The following OPCML variants were observed in gnomAD, a reference collection of about 807,000 sequenced individuals.
The protein encoded by OPCML is opioid binding protein/cell adhesion molecule like.
In OPCML, 13 loss-of-function variants were observed where a neutral mutation model predicts 37.8. That is an observed-to-expected ratio of 0.34 (90% CI 0.22 to 0.55). The LOEUF (loss-of-function observed/expected upper bound fraction) is 0.55. Among genes scored for constraint, OPCML ranks in the 20% least tolerant of loss-of-function variants. OPCML has a pLI of 0.91. For missense variants in OPCML, 341 were observed against 435.6 expected (o/e 0.78, Z 1.93); for synonymous variants, 176 against 168.8 (o/e 1.04, Z -0.33).
intron 3 of OPCML, among the ~76,000 whole-genome samples, chr11:132,604,063 C>T (rs900224915): frequency 6.6e-6 from 1 of 152,150 alleles, no homozygotes; most frequent in Non-Finnish European, 1.5e-5. Flanking sequence ...GCCTGGAATA[C>T]TTGTTGGTGC....
At chr11:133,029,530 G>A (rs1374043563) in intron 1 of OPCML, among the ~76,000 whole-genome samples, 2 of 152,072 alleles carry the variant, frequency 1.3e-5, no homozygotes, top group Non-Finnish European at 1.5e-5. Context: ...CATGAAATAC[G>A]ACACAGCCAT....
intron 4 of OPCML, among the ~76,000 whole-genome samples, chr11:132,465,756 C>T (rs905594947): frequency 6.6e-6 from 1 of 152,034 alleles, no homozygotes; most frequent in Admixed American, 6.5e-5. Flanking sequence ...AAAGTTATTC[C>T]CAAACTCACA....
At chr11:133,040,136 T>C (rs770778229) in intron 1 of OPCML, among the ~76,000 whole-genome samples, 19 of 152,124 alleles carry the variant, frequency 1.2e-4, no homozygotes, top group Middle Eastern at 3.4e-3. Context: ...TCACGTCAAC[T>C]ACTTAATCTT....
At chr11:132,433,495 T>C (rs369977019) in intron 7 of OPCML, among the ~76,000 whole-genome samples, 88 of 152,284 alleles carry the variant, frequency 5.8e-4, no homozygotes, top group African/African-American at 2.1e-3. Flanking sequence ...CAATAGCATA[T>C]ATGCGGGAAG....
At chr11:132,492,350 G>A (rs2096218723) in intron 4 of OPCML, among the ~76,000 whole-genome samples, 1 of 152,060 alleles carries the variant, frequency 6.6e-6, no homozygotes, top group Non-Finnish European at 1.5e-5. Flanking sequence ...GATGTGGTGG[G>A]GGTAGAGGTA....
At chr11:133,471,095 C>CAA (rs1190982369) in intron 1 of OPCML, among the ~76,000 whole-genome samples, 1 of 152,154 alleles carries the variant, frequency 6.6e-6, no homozygotes, top group Non-Finnish European at 1.5e-5. Flanking sequence ...TGGAAAGATA[C>CAA]AACTCAAGTA....
intron 1 of OPCML, among the ~76,000 whole-genome samples, chr11:133,486,430 C>T (rs766883616): frequency 6.6e-5 from 10 of 152,150 alleles, no homozygotes; most frequent in Non-Finnish European, 1.0e-4. Flanking sequence ...CAACAACTTC[C>T]TACACAGTAG....
chr11:132,476,604 A>G (rs1377811856), intron 4 of OPCML, among the ~76,000 whole-genome samples: 1 of 152,058 alleles, frequency 6.6e-6, no homozygotes, highest in Non-Finnish European at 1.5e-5. Context: ...AAACCCAAAC[A>G]CCGCATGTTC....
At chr11:132,953,386 C>A (rs1433243984) in intron 1 of OPCML, among the ~76,000 whole-genome samples, 2 of 152,134 alleles carry the variant, frequency 1.3e-5, no homozygotes, top group East Asian at 3.9e-4. Flanking sequence ...CCTCCCTGGA[C>A]CCCAAAGCCT....
In OPCML at chr11:132,601,828, G is replaced by A. The variant is rs565035899; in HGVS notation, c.379+55259C>T. ...TGGAGTCAGGGTGAGGGGTACATCC[G>A]TTTATAGGTACATACAAAAAGGAAA... On this transcript the variant is annotated intron_variant, in intron 3 of 7. Coordinates refer to ENST00000524381, the MANE Select transcript of OPCML (RefSeq NM_001012393.5). Among the ~76,000 whole-genome samples the A allele has an allele frequency of 2.6e-4, 40 of 152,034 alleles. No individual in the cohort carries two copies. In the Middle Eastern group the frequency reaches 0.014, roughly 52 times the overall value.
chr11:133,414,052 A>G (rs2136875078), intron 1 of OPCML, among the ~76,000 whole-genome samples: 1 of 152,282 alleles, frequency 6.6e-6, no homozygotes, highest in Admixed American at 6.5e-5. Context: ...TTAAGACAGA[A>G]GAAATACAAG....
chr11:133,112,867 C>G (rs1410338366), intron 1 of OPCML, among the ~76,000 whole-genome samples: 1 of 152,040 alleles, frequency 6.6e-6, no homozygotes, highest in Non-Finnish European at 1.5e-5. Context: ...CTGTCATGCC[C>G]CCTACCCTTT....
chr11:132,515,120 C>G (rs2096276913), intron 4 of OPCML, among the ~76,000 whole-genome samples: 1 of 152,138 alleles, frequency 6.6e-6, no homozygotes, highest in Non-Finnish European at 1.5e-5. Context: ...AAGCAGGGGA[C>G]TAGTGGCTCT....
rs1950336663 is a variant in OPCML at position 133,174,423 on chromosome 11, TAGG to T, written c.62-231416_62-231414del. ...GGCAGCTAAACCTTACCTCTGGATA[TAGG>T]AGAAGGAATGGTTTTCTCAGACGAG... On this transcript the variant is annotated intron_variant, in intron 1 of 7. Transcript: ENST00000524381. This position sits in a 1 kb window ranked among gnomAD's most constrained non-coding sequence, Gnocchi z 4.6. Among the ~76,000 whole-genome samples the T allele has an allele frequency of 6.6e-6, 1 of 152,078 alleles. No individual in the cohort carries two copies. The highest frequency in any genetic ancestry group is 6.5e-5 in the Admixed American group (1 of 15,270).
rs1950317421 is a variant in OPCML, at chr11:133,173,593, T to G, written c.62-230583A>C. On this transcript the variant is annotated intron_variant, in intron 1 of 7. Transcript: ENST00000524381. This position sits in a 1 kb window ranked among gnomAD's most constrained non-coding sequence, Gnocchi z 7.8. ...ACCAGCATTCAAATCACATCACCTT[T>G]CAAATCACCCCCCAGATGCCTCTCA... Among the ~76,000 whole-genome samples the G allele has an allele frequency of 1.3e-5, 2 of 152,044 alleles. No individual in the cohort carries two copies. Among genetic ancestry groups the G allele is most frequent in the Admixed American group, 1.3e-4 (2 of 15,276 alleles).
intron 1 of OPCML, among the ~76,000 whole-genome samples, chr11:133,111,756 T>G (rs59559214): frequency 6.6e-6 from 1 of 152,178 alleles, no homozygotes; most frequent in Admixed American, 6.5e-5. Flanking sequence ...TTTTGTTGTT[T>G]GTAGGTGGGA....
At chr11:133,461,266 AAT>A (rs1288368088) in intron 1 of OPCML, among the ~76,000 whole-genome samples, 1 of 151,976 alleles carries the variant, frequency 6.6e-6, no homozygotes, top group Non-Finnish European at 1.5e-5. Flanking sequence ...CCGAAATTCT[AAT>A]GGAAGAAGTA....
At chr11:132,746,039 G>C (rs996127370) in intron 2 of OPCML, among the ~76,000 whole-genome samples, 2 of 152,100 alleles carry the variant, frequency 1.3e-5, no homozygotes, top group African/African-American at 4.8e-5. Flanking sequence ...GCTCTGAGCA[G>C]CTGTGGAGGC....
chr11:132,598,366 G>A (rs1591604400), intron 3 of OPCML, among the ~76,000 whole-genome samples: 1 of 152,234 alleles, frequency 6.6e-6, no homozygotes, highest in Non-Finnish European at 1.5e-5. Flanking sequence ...CTGGAACATA[G>A]TAGACACTCA....
Sources: allele counts gnomAD v4.1 joint callset (sites outside exome capture counted in the v4.1 genomes callset), GRCh38; gene constraint gnomAD v4.1.1; non-coding constraint Gnocchi (gnomAD v3.1); transcripts MANE v1.5; gene names NCBI Gene and HGNC (gene_info 2026-07-23, HGNC 2026-07-21).